ZNF471: variants seen among roughly 807,000 people sequenced by gnomAD.
ZNF471 encodes zinc finger protein 471.
A neutral mutation model predicts 13.7 loss-of-function variants in ZNF471; 7 were observed. The observed-to-expected ratio is 0.51, with a 90% CI of 0.29 to 0.96. ZNF471 has a LOEUF of 0.96. Among genes scored for constraint, ZNF471 ranks in the 40% least tolerant of loss-of-function variants. The pLI is 0.08. For missense variants in ZNF471, 663 were observed against 743.3 expected, an observed-to-expected ratio of 0.89 and a Z score of 1.26; for synonymous variants, 218 against 235.6, an observed-to-expected ratio of 0.93 and a Z score of 0.68.
rs2043758176 is a variant in ZNF471 at position 56,508,202 on chromosome 19, G to T, written c.-56+282G>T. ...CTGTGTGTAAAAGATCTGTCAGAGT[G>T]TGAGGCTCCGTGAGAGGGTGTGGTT... is the stretch of plus-strand genomic sequence containing the variant. On this transcript the variant is annotated intron_variant, in intron 1 of 4. Transcript: ENST00000308031. This position sits in a 1 kb window ranked among gnomAD's most constrained non-coding sequence, Gnocchi z 4.7. 13 of 980,246 alleles carry T rather than the reference G, an allele frequency of 1.3e-5. No individual in the cohort carries two copies. Among genetic ancestry groups the T allele is most frequent in the Non-Finnish European group, 1.5e-5 (12 of 826,870 alleles). 60.7% of individuals were successfully genotyped at this position (980,246 alleles called of 1,614,324 possible). A position where few individuals can be genotyped will look rare whatever the true frequency, so the allele number is the denominator to read the frequency against.
At chr19:56,521,421 G>A (rs374028701) in intron 4 of ZNF471, among the ~76,000 whole-genome samples, 54 of 152,120 alleles carry the variant, frequency 3.5e-4, no homozygotes, top group African/African-American at 1.2e-3. Flanking sequence ...GGCAGATCAC[G>A]AGGTCAGGAG....
At chr19:56,509,862 T>A in intron 1 of ZNF471, 1 of 985,190 alleles carries the variant, frequency 1.0e-6, no homozygotes, top group Non-Finnish European at 1.2e-6. Context: ...AGGGACTGGA[T>A]TGTGAGAATC....
chr19:56,514,845 T>G (rs1197519350), intron 2 of ZNF471, among the ~76,000 whole-genome samples: 1 of 152,188 alleles, frequency 6.6e-6, no homozygotes, highest in Non-Finnish European at 1.5e-5. Context: ...TTCTACCTCC[T>G]TAAGGGCAAA....
rs1006612019 is a variant in ZNF471, at chr19:56,528,313, G to T, written c.*2365G>T. On this transcript the variant is annotated 3_prime_UTR_variant, in exon 5 of 5. Transcript: ENST00000308031. ...CATACTAAGTGCTTAGTAAATGTTA[G>T]ATAAGTATTCTCCAGAATTGATGTA... The T allele has an allele frequency of 1.1e-4, 16 of 152,200 alleles. No individual in the cohort carries two copies. The highest frequency in any genetic ancestry group is 2.4e-4 in the Non-Finnish European group (16 of 68,044). 9.4% of individuals were successfully genotyped at this position (152,200 alleles called of 1,614,324 possible).
intron 2 of ZNF471, among the ~76,000 whole-genome samples, chr19:56,512,291 T>C (rs1478815877): frequency 6.6e-6 from 1 of 151,468 alleles, no homozygotes; most frequent in Non-Finnish European, 1.5e-5. Flanking sequence ...TAATGATTTT[T>C]CGTGTCTTGT....
chr19:56,518,247 C>G (rs1024798207), intron 3 of ZNF471, among the ~76,000 whole-genome samples: 1 of 152,064 alleles, frequency 6.6e-6, no homozygotes, highest in Non-Finnish European at 1.5e-5. Context: ...TGATAATATT[C>G]AGAAAATGTT....
chr19:56,523,053 T>C (rs996789834), intron 4 of ZNF471, among the ~76,000 whole-genome samples: 4 of 152,232 alleles, frequency 2.6e-5, no homozygotes, highest in Non-Finnish European at 5.9e-5. Flanking sequence ...CAATAATTTT[T>C]AAAGCACATT....
chr19:56,527,804 G>C lies in ZNF471; in HGVS notation c.*1856G>C, dbSNP rs2044065894. The C allele has an allele frequency of 6.6e-6, 1 of 152,178 alleles. No individual in the cohort carries two copies. Among genetic ancestry groups the C allele is most frequent in the African/African-American group, 2.4e-5 (1 of 41,440 alleles). 9.4% of individuals were successfully genotyped at this position (152,178 alleles called of 1,614,324 possible). ...CAAGATGCACACCTTGCTCATTAGT[G>C]AGTTCATTTCAGGCAGCCAGCTCTT... On this transcript the variant is annotated 3_prime_UTR_variant, in exon 5 of 5. Coordinates refer to ENST00000308031, the MANE Select transcript of ZNF471 (RefSeq NM_020813.4).
chr19:56,517,346 A>G (rs1600513271), intron 3 of ZNF471, among the ~76,000 whole-genome samples: 1 of 136,184 alleles, frequency 7.3e-6, no homozygotes, highest in South Asian at 2.3e-4. Flanking sequence ...TCTGTCGCCC[A>G]GGCTGGAGTG....
Position 56,508,287 on chromosome 19 carries a change from G to T in ZNF471, c.-56+367G>T, listed in dbSNP as rs1254565460. The T allele has an allele frequency of 1.4e-6, 1 of 707,254 alleles. No individual in the cohort carries two copies. Among genetic ancestry groups the T allele is most frequent in the Admixed American group, 6.3e-5 (1 of 15,892 alleles). 43.8% of individuals were successfully genotyped at this position (707,254 alleles called of 1,614,324 possible). ...AGAGTCCAGTGTGAGACCAGGGTAT[G>T]TTCGTGTGTGACAGAGCGAGACGGG... On this transcript the variant is annotated intron_variant, in intron 1 of 4. Coordinates refer to ENST00000308031, the MANE Select transcript of ZNF471 (RefSeq NM_020813.4). This position sits in a 1 kb window ranked among gnomAD's most constrained non-coding sequence, Gnocchi z 4.7.
chr19:56,509,254 C>T (rs186376568), intron 1 of ZNF471, among the ~76,000 whole-genome samples: 207 of 152,282 alleles, frequency 1.4e-3, no homozygotes, highest in Non-Finnish European at 2.4e-3. Context: ...ACCAGTCATG[C>T]CTACATTATG....
chr19:56,521,680 G>A (rs2043976111), intron 4 of ZNF471, among the ~76,000 whole-genome samples: 1 of 151,370 alleles, frequency 6.6e-6, no homozygotes, highest in Admixed American at 6.6e-5. Flanking sequence ...GCTGGGCATG[G>A]TAGCTCACAC....
intron 2 of ZNF471, among the ~76,000 whole-genome samples, chr19:56,513,874 G>GT (rs1433733352): frequency 6.6e-6 from 1 of 151,794 alleles, no homozygotes; most frequent in Non-Finnish European, 1.5e-5. Context: ...TTTTAGAATA[G>GT]TTTTAGATTT....
Position 56,528,722 on chromosome 19 carries a change from A to G in ZNF471, c.*2774A>G, listed in dbSNP as rs188754056. On this transcript the variant is annotated 3_prime_UTR_variant, in exon 5 of 5. Coordinates refer to ENST00000308031, the MANE Select transcript of ZNF471 (RefSeq NM_020813.4). ...AAGAAGTGGCTATATAGCTCTGGAT[A>G]AAACGAACAAAAGAATTAGAATTCC... The G allele has an allele frequency of 6.6e-6, 1 of 152,368 alleles. No homozygotes were observed. The highest frequency in any genetic ancestry group is 6.5e-5 in the Admixed American group (1 of 15,300). 9.4% of individuals were successfully genotyped at this position (152,368 alleles called of 1,614,324 possible).
In ZNF471 at chr19:56,510,542, C is replaced by T. The variant is rs192999385; in HGVS notation, c.-55-975C>T. On this transcript the variant is annotated intron_variant, in intron 1 of 4. Coordinates refer to ENST00000308031, the MANE Select transcript of ZNF471 (RefSeq NM_020813.4). The surrounding 1 kb of genome is among the most constrained non-coding windows in gnomAD (Gnocchi z 4.3). ...GTGTGAAGGTGTTGGTGAATCACCA[C>T]GTGTGCTTATATTCATGTCCTCAGG... The T allele has an allele frequency of 3.0e-6, 3 of 985,668 alleles. No individual in the cohort carries two copies. Among genetic ancestry groups the T allele is most frequent in the Non-Finnish European group, 3.6e-6 (3 of 829,982 alleles). 61.1% of individuals were successfully genotyped at this position (985,668 alleles called of 1,614,324 possible).
In ZNF471 at chr19:56,524,499, A is replaced by T. The variant is rs749963646; in HGVS notation, c.432A>T (p.Lys144Asn). 57 of 1,609,188 alleles carry T rather than the reference A, an allele frequency of 3.5e-5. No individual in the cohort carries two copies. The South Asian group carries it at 6.3e-4, about 18-fold the overall frequency. Residue 144 changes from lysine to asparagine, a missense_variant, in exon 5 of 5, where the codon AAA becomes AAT. Coordinates refer to ENST00000308031, the MANE Select transcript of ZNF471 (RefSeq NM_020813.4). The surrounding 1 kb of genome is among the most constrained non-coding windows in gnomAD (Gnocchi z 4.8). ...GAAGTCATGAGATGTTTAGCAAGAA[A>T]GAAATAATCACTCATAAAGAAACCA... ...QMGSHEMFSKKEIITHKETIT... is the reference protein window; with the variant it reads ...QMGSHEMFSKNEIITHKETIT...
chr19:56,519,140 C>A (rs1436613831), intron 4 of ZNF471, among the ~76,000 whole-genome samples: 1 of 152,092 alleles, frequency 6.6e-6, no homozygotes, highest in African/African-American at 2.4e-5. Context: ...AAGTGAGTTA[C>A]AGGTATACCA....
At chr19:56,519,196 A>G (rs781350065) in intron 4 of ZNF471, among the ~76,000 whole-genome samples, 2 of 152,154 alleles carry the variant, frequency 1.3e-5, no homozygotes, top group Non-Finnish European at 2.9e-5. Flanking sequence ...ATGGCTCCAG[A>G]GGTAATTCCA....
chr19:56,511,365 G>A (rs557586956), intron 1 of ZNF471, among the ~76,000 whole-genome samples, 152 bp from the exon 2 acceptor site: 2 of 151,446 alleles, frequency 1.3e-5, no homozygotes, highest in South Asian at 2.1e-4. Context: ...AAAAAAAACC[G>A]TTATGAGTTT....
Sources: gnomAD v4.1 joint callset for allele counts (sites outside exome capture counted in the v4.1 genomes callset) on GRCh38, gnomAD v4.1.1 for gene constraint, Gnocchi (gnomAD v3.1) non-coding constraint, MANE v1.5 for transcripts, NCBI Gene and HGNC (gene_info 2026-07-23, HGNC 2026-07-21) for gene names.